Variants in RANBP17 observed in about 807,000 individuals in gnomAD.
RANBP17 encodes the protein ran-binding protein 17.
A neutral mutation model predicts 141.2 loss-of-function variants in RANBP17; 158 were observed. That is an observed-to-expected ratio of 1.12 (90% CI 0.98 to 1.28). The LOEUF is 1.28. Ranked by LOEUF, RANBP17 falls within the 50% of genes most tolerant of loss-of-function variation. The probability of loss-of-function intolerance (pLI) is 0.00; values close to 1 mark genes in which losing one functional copy is unlikely to be tolerated. For missense variants in RANBP17, 1,438 were observed against 1,290.7 expected (o/e 1.11, Z -1.75); for synonymous variants, 430 against 450.0 (o/e 0.96, Z 0.56).
At chr5:171,011,438 A>C (rs1323601817) in intron 14 of RANBP17, among the ~76,000 whole-genome samples, 3 of 151,876 alleles carry the variant, frequency 2.0e-5, no homozygotes, top group South Asian at 2.1e-4. Context: ...GTTTAAAAGG[A>C]ATTGAATTTT....
Position 170,953,681 on chromosome 5 carries a change from T to C in RANBP17, c.1553T>C (p.Met518Thr), listed in dbSNP as rs1581227250. ...TYTSTDEHDAMDGELSCRVFQ... is the reference protein window; with the variant it reads ...TYTSTDEHDATDGELSCRVFQ... The stretch of plus-strand genomic sequence containing the variant: ...ACCAGTACAGATGAGCATGATGCTA[T>C]GGATGGAGAATTATCCTGTCGGTAA... The change falls in exon 13 of 28, where the codon ATG becomes ACG. Residue 518 changes from methionine to threonine, a missense_variant. By Grantham distance (81) the Met-to-Thr change is moderately conservative. Coordinates refer to ENST00000523189, the MANE Select transcript of RANBP17 (RefSeq NM_022897.5). The C allele has an allele frequency of 6.2e-7, 1 of 1,605,418 alleles. No individual in the cohort carries two copies. Among genetic ancestry groups the C allele is most frequent in the Non-Finnish European group, 8.5e-7 (1 of 1,172,622 alleles).
intron 1 of RANBP17, among the ~76,000 whole-genome samples, chr5:170,877,351 A>C (rs1768270982): frequency 6.6e-6 from 1 of 151,988 alleles, no homozygotes. Context: ...CTGCAGTCTC[A>C]AGCTCCAGGG....
intron 19 of RANBP17, among the ~76,000 whole-genome samples, chr5:171,203,261 T>G (rs1283508588): frequency 6.6e-6 from 1 of 152,198 alleles, no homozygotes; most frequent in Non-Finnish European, 1.5e-5. Flanking sequence ...TTTCCTCAAA[T>G]TCAATAAGAT....
intron 14 of RANBP17, among the ~76,000 whole-genome samples, chr5:171,007,512 C>T (rs1234826712): frequency 6.6e-6 from 1 of 151,910 alleles, no homozygotes; most frequent in Non-Finnish European, 1.5e-5. Context: ...GGAAGATTCA[C>T]AAGACTCAGC....
rs529532580 is a variant in RANBP17 at position 170,933,044 on chromosome 5, A to G, written c.1468+8494A>G. On this transcript the variant is annotated intron_variant, in intron 12 of 27. Coordinates refer to ENST00000523189, the MANE Select transcript of RANBP17 (RefSeq NM_022897.5). The stretch of plus-strand genomic sequence containing the variant: ...CGGCTGTGAATCCATCTGGTCCTGG[A>G]CTTTTTTTGGTTGGTAGGCTATTAA... Among the ~76,000 whole-genome samples the G allele has an allele frequency of 5.3e-3, 803 of 152,118 alleles. 3 individuals carry two copies. Among genetic ancestry groups the G allele is most frequent in the Non-Finnish European group, 7.7e-3 (524 of 67,982 alleles).
At position 171,157,569 on chromosome 5, in the gene RANBP17, T is replaced by C. The variant is rs190637123; in HGVS notation, c.1711-12561T>C. On this transcript the variant is annotated intron_variant, in intron 14 of 27. Transcript: ENST00000523189. ...AATATGAGCATTTCTACTAAAACAA[T>C]GTGGCAACATATTTGCTGATGAAAG... is the stretch of plus-strand genomic sequence containing the variant. 1.5e-3 allele frequency among the ~76,000 whole-genome samples: 223 copies of C among 152,344 alleles called. 1 individual carries two copies. The highest frequency in any genetic ancestry group is 0.014 in the South Asian group (67 of 4,824).
intron 14 of RANBP17, among the ~76,000 whole-genome samples, chr5:171,168,124 A>T (rs1047295268): frequency 2.0e-5 from 3 of 152,154 alleles, no homozygotes; most frequent in African/African-American, 7.2e-5. Flanking sequence ...ACCCCTCAAG[A>T]AGCACTCAGT....
At chr5:171,294,425 C>T (rs1364075080) in intron 26 of RANBP17, among the ~76,000 whole-genome samples, 3 of 152,196 alleles carry the variant, frequency 2.0e-5, no homozygotes, top group South Asian at 4.1e-4. Flanking sequence ...GCACACATCT[C>T]CAGCTTCTTT....
chr5:171,287,014 A>G (rs749948710), intron 25 of RANBP17, among the ~76,000 whole-genome samples: 8 of 152,208 alleles, frequency 5.3e-5, no homozygotes, highest in Non-Finnish European at 7.3e-5. Flanking sequence ...TGAAAGGCCA[A>G]TGACAAGTGC....
intron 11 of RANBP17, 152 bp from the exon 12 acceptor site, chr5:170,924,205 G>A: frequency 2.0e-6 from 1 of 498,590 alleles, no homozygotes; most frequent in Non-Finnish European, 3.5e-6. Context: ...ATGTTGGCCT[G>A]ACTGGTCTCA....
intron 5 of RANBP17, chr5:170,903,765 G>A (rs932170977): frequency 6.0e-6 from 2 of 334,218 alleles, no homozygotes; most frequent in South Asian, 3.3e-5. Flanking sequence ...AACTGTAGAC[G>A]ACTTCAAGTG....
At chr5:171,076,704 T>C (rs1784946336) in intron 14 of RANBP17, among the ~76,000 whole-genome samples, 1 of 152,178 alleles carries the variant, frequency 6.6e-6, no homozygotes, top group Non-Finnish European at 1.5e-5. Context: ...GGGATGCAGA[T>C]GATATCATCT....
chr5:171,071,173 T>C (rs1784613021), intron 14 of RANBP17, among the ~76,000 whole-genome samples: 1 of 152,116 alleles, frequency 6.6e-6, no homozygotes, highest in African/African-American at 2.4e-5. Context: ...AACCCTTCTT[T>C]TGTGATCTTT....
intron 22 of RANBP17, among the ~76,000 whole-genome samples, chr5:171,224,643 A>G (rs990417681): frequency 4.6e-5 from 7 of 152,206 alleles, no homozygotes; most frequent in Non-Finnish European, 8.8e-5. Flanking sequence ...AAGAGGAGAC[A>G]GAAGAGAAAG....
intron 16 of RANBP17, among the ~76,000 whole-genome samples, chr5:171,177,134 A>G (rs573257304): frequency 2.5e-4 from 38 of 152,270 alleles, no homozygotes; most frequent in African/African-American, 8.2e-4. Context: ...AGCATTTTTT[A>G]TCAGAGGAAA....
At chr5:171,256,891 C>A (rs998869799) in intron 24 of RANBP17, among the ~76,000 whole-genome samples, 5 of 151,930 alleles carry the variant, frequency 3.3e-5, no homozygotes, top group South Asian at 2.1e-4. Flanking sequence ...CCAATAACAA[C>A]TAGTGAGATC....
At chr5:170,883,469 C>T (rs1768888032) in intron 3 of RANBP17, among the ~76,000 whole-genome samples, 1 of 152,158 alleles carries the variant, frequency 6.6e-6, no homozygotes, top group Non-Finnish European at 1.5e-5. Flanking sequence ...CTGTAATTTA[C>T]ATTAGGGTTC....
intron 14 of RANBP17, among the ~76,000 whole-genome samples, chr5:171,069,203 C>A (rs1784494097): frequency 6.6e-6 from 1 of 152,142 alleles, no homozygotes; most frequent in Non-Finnish European, 1.5e-5. Flanking sequence ...AGTCATTGAA[C>A]CACTAGGCAG....
intron 14 of RANBP17, among the ~76,000 whole-genome samples, chr5:171,128,659 T>G (rs915565987): frequency 2.6e-5 from 4 of 152,180 alleles, no homozygotes; most frequent in Admixed American, 6.5e-5. Flanking sequence ...GGAGAGGATT[T>G]GAAATATTCC....
Sources: gnomAD v4.1 joint callset for allele counts (sites outside exome capture counted in the v4.1 genomes callset) on GRCh38, gnomAD v4.1.1 for gene constraint, MANE v1.5 for transcripts, NCBI Gene and HGNC (gene_info 2026-07-23, HGNC 2026-07-21) for gene names.